The following FAM227B variants were observed in gnomAD, a reference collection of about 807,000 sequenced individuals.
FAM227B encodes the protein family with sequence similarity 227 member B.
FAM227B carries 88 observed loss-of-function variants against 73.8 expected under a neutral mutation model. The ratio of observed to expected loss-of-function variants is 1.19; its 90% CI spans 1.00 to 1.42. The LOEUF is 1.42. FAM227B is among the 40% of genes most tolerant of loss of function. The pLI, the probability that FAM227B is intolerant of heterozygous loss-of-function variation, is 0.00. For synonymous variants in FAM227B, 210 were observed against 190.5 expected (o/e 1.10, Z -0.84); for missense variants, 632 against 590.9 (o/e 1.07, Z -0.72).
chr15:49,570,664 T>G (rs1028999609), intron 8 of FAM227B, among the ~76,000 whole-genome samples: 1 of 151,592 alleles, frequency 6.6e-6, no homozygotes, highest in African/African-American at 2.4e-5. Context: ...ACCTTTCTGC[T>G]GTTTCTATGA....
intron 11 of FAM227B, among the ~76,000 whole-genome samples, chr15:49,402,812 C>T (rs1023182836): frequency 2.0e-5 from 3 of 152,098 alleles, no homozygotes; most frequent in Non-Finnish European, 2.9e-5. Context: ...GCTTCCAATG[C>T]TATGTTGAAT....
chr15:49,403,526 C>T (rs182916783), intron 11 of FAM227B, among the ~76,000 whole-genome samples: 116 of 152,186 alleles, frequency 7.6e-4, no homozygotes, highest in African/African-American at 2.4e-3. Flanking sequence ...TCCATTCCTT[C>T]TAGATTTTCT....
chr15:49,446,396 G>A (rs1254962421), intron 11 of FAM227B, among the ~76,000 whole-genome samples: 1 of 151,578 alleles, frequency 6.6e-6, no homozygotes, highest in Non-Finnish European at 1.5e-5. Context: ...TACCCTTAAT[G>A]TACTGCCATA....
At chr15:49,337,740 A>G (rs139722536) in intron 13 of FAM227B, among the ~76,000 whole-genome samples, 4,067 of 151,562 alleles carry the variant, frequency 0.027, 95 homozygotes, top group African/African-American at 0.056. Context: ...TCATTGTTCA[A>G]TTCCCACTTA....
At chr15:49,501,900 T>C (rs1381853688) in intron 11 of FAM227B, among the ~76,000 whole-genome samples, 1 of 152,168 alleles carries the variant, frequency 6.6e-6, no homozygotes, top group African/African-American at 2.4e-5. Flanking sequence ...GCTCTGTGCA[T>C]CCCAGCTGCT....
intron 13 of FAM227B, among the ~76,000 whole-genome samples, chr15:49,342,076 G>C (rs1186592992): frequency 6.6e-6 from 1 of 152,120 alleles, no homozygotes; most frequent in Admixed American, 6.5e-5. Context: ...ATCAAGTCCT[G>C]AGTTTTTTTG....
At chr15:49,518,730 G>A (rs1444721712) in intron 10 of FAM227B, among the ~76,000 whole-genome samples, 2 of 152,052 alleles carry the variant, frequency 1.3e-5, no homozygotes, top group African/African-American at 4.8e-5. Flanking sequence ...CATAACACAT[G>A]GGGATTATGT....
intron 11 of FAM227B, among the ~76,000 whole-genome samples, chr15:49,411,353 T>C (rs1422461933): frequency 6.6e-6 from 1 of 152,106 alleles, no homozygotes; most frequent in East Asian, 1.9e-4. Context: ...AAATATATTC[T>C]AGGTATGCTA....
chr15:49,552,953 C>T (rs2073208356), intron 9 of FAM227B, among the ~76,000 whole-genome samples: 1 of 152,194 alleles, frequency 6.6e-6, no homozygotes, highest in Non-Finnish European at 1.5e-5. Context: ...CTCTGTTTCT[C>T]CAAGACTGGT....
chr15:49,525,742 A>C (rs2060150905), intron 10 of FAM227B, among the ~76,000 whole-genome samples: 1 of 134,306 alleles, frequency 7.4e-6, no homozygotes. Flanking sequence ...ACAAAAATGA[A>C]CAGGAGTAGT....
chr15:49,584,493 T>C (rs769401730), intron 5 of FAM227B, among the ~76,000 whole-genome samples: 3 of 152,102 alleles, frequency 2.0e-5, no homozygotes, highest in Non-Finnish European at 2.9e-5. Flanking sequence ...CTACTGAACA[T>C]AGTATTGGAA....
chr15:49,361,549 C>T (rs1017362770), intron 13 of FAM227B, among the ~76,000 whole-genome samples: 1 of 152,156 alleles, frequency 6.6e-6, no homozygotes, highest in Non-Finnish European at 1.5e-5. Flanking sequence ...CCTCCAGCTC[C>T]ATTCATATTG....
intron 7 of FAM227B, 59 bp from the exon 8 acceptor site, chr15:49,575,168 A>C: frequency 1.1e-6 from 1 of 927,148 alleles, no homozygotes; most frequent in Non-Finnish European, 1.7e-6. Flanking sequence ...AAAACATGTT[A>C]ATGTAAATAG....
chr15:49,385,199 A>G (rs913551319), intron 11 of FAM227B, among the ~76,000 whole-genome samples: 5 of 151,930 alleles, frequency 3.3e-5, no homozygotes, highest in Non-Finnish European at 4.4e-5. Context: ...ATCTTGACCA[A>G]TTGTTTAAAG....
intron 11 of FAM227B, among the ~76,000 whole-genome samples, chr15:49,430,471 G>A (rs1238342987): frequency 1.3e-5 from 2 of 151,776 alleles, no homozygotes; most frequent in African/African-American, 4.8e-5. Context: ...GAAACCCAGG[G>A]GGAGAGAACC....
chr15:49,329,383 T>C (rs1221534001), intron 15 of FAM227B: 1 of 985,244 alleles, frequency 1.0e-6, no homozygotes, highest in East Asian at 1.1e-4. Flanking sequence ...GTAATTGAGA[T>C]AGCAATGGTT....
chr15:49,335,441 T>G lies in FAM227B; in HGVS notation c.1327A>C (p.Arg443=). 1 of 1,612,998 alleles carries G rather than the reference T, an allele frequency of 6.2e-7. No homozygotes were observed. Among genetic ancestry groups the G allele is most frequent in the Non-Finnish European group, 8.5e-7 (1 of 1,178,980 alleles). Residue 443 remains arginine, a synonymous_variant, in exon 14 of 16, where the codon AGG becomes CGG. Transcript: ENST00000299338. ...VIKEAKRQFA[R]NQKDFRILQA... ...TACATCCTAAAATCCTTTTGGTTCC[T>G]TGCAAATTGTCTTTTTGCCTCCTTT...
intron 11 of FAM227B, among the ~76,000 whole-genome samples, chr15:49,470,955 A>T (rs920335637): frequency 1.3e-5 from 2 of 152,210 alleles, no homozygotes; most frequent in Admixed American, 6.5e-5. Flanking sequence ...CACCTGGAAC[A>T]TATTTGTTGT....
chr15:49,401,077 G>C (rs2048106050), intron 11 of FAM227B, among the ~76,000 whole-genome samples: 1 of 152,228 alleles, frequency 6.6e-6, no homozygotes, highest in Admixed American at 6.5e-5. Context: ...TACAGAATGG[G>C]AGAAAATTTT....
Sources: gnomAD v4.1 joint callset for allele counts (sites outside exome capture counted in the v4.1 genomes callset) on GRCh38, gnomAD v4.1.1 for gene constraint, MANE v1.5 for transcripts, NCBI Gene and HGNC (gene_info 2026-07-23, HGNC 2026-07-21) for gene names.